The following ABAT variants were observed in gnomAD, a reference collection of about 807,000 sequenced individuals.
The protein encoded by ABAT is 4-aminobutyrate aminotransferase.
A neutral mutation model predicts 64.6 loss-of-function variants in ABAT; 45 were observed. The ratio of observed to expected loss-of-function variants is 0.70; its 90% CI spans 0.55 to 0.89. The LOEUF is 0.89. Ranked by LOEUF, ABAT falls within the 40% of genes least tolerant of loss-of-function variation. The pLI, the probability that ABAT is intolerant of heterozygous loss-of-function variation, is 0.00. For missense variants in ABAT, 633 were observed against 658.4 expected, an observed-to-expected ratio of 0.96 and a Z score of 0.42; for synonymous variants, 297 against 250.5, an observed-to-expected ratio of 1.19 and a Z score of -1.75.
intron 1 of ABAT, among the ~76,000 whole-genome samples, chr16:8,685,063 T>C (rs2057421884): frequency 6.6e-6 from 1 of 152,024 alleles, no homozygotes; most frequent in African/African-American, 2.4e-5. Flanking sequence ...GGTGGACAGA[T>C]TGCTTGAGCT....
At chr16:8,720,007 T>G (rs1040794936) in intron 1 of ABAT, among the ~76,000 whole-genome samples, 2 of 152,196 alleles carry the variant, frequency 1.3e-5, no homozygotes, top group Admixed American at 1.3e-4. Flanking sequence ...GAGTTGGGAC[T>G]TCACCATTTT....
rs551738450 is a variant in ABAT at position 8,699,898 on chromosome 16, C to T, written c.-42+25187C>T. 4.6e-4 allele frequency among the ~76,000 whole-genome samples: 70 copies of T among 152,236 alleles called. No individual in the cohort carries two copies. In the South Asian group the frequency reaches 0.014, roughly 31 times the overall value. ...GCACGATCACGGCTGACTGCAACCT[C>T]GACCTCTTGGGCTCAGGTGATTCTC... On this transcript the variant is annotated intron_variant, in intron 1 of 15. Coordinates refer to ENST00000268251, the MANE Select transcript of ABAT (RefSeq NM_020686.6).
intron 5 of ABAT, among the ~76,000 whole-genome samples, chr16:8,753,893 C>CG (rs2059564088): frequency 6.6e-6 from 1 of 152,030 alleles, no homozygotes; most frequent in Admixed American, 6.6e-5. Context: ...CAGAAAGTCT[C>CG]CCCTGGGTGA....
chr16:8,724,066 C>G (rs1465067072), intron 1 of ABAT, among the ~76,000 whole-genome samples: 5 of 151,760 alleles, frequency 3.3e-5, no homozygotes, highest in African/African-American at 1.2e-4. Flanking sequence ...GTCTTGAACT[C>G]CTGACCTCAG....
chr16:8,733,659 G>A (rs907233046), intron 1 of ABAT, among the ~76,000 whole-genome samples: 2 of 151,876 alleles, frequency 1.3e-5, no homozygotes, highest in African/African-American at 2.4e-5. Flanking sequence ...GCGAAACCCC[G>A]TCTCCACCAA....
intron 1 of ABAT, among the ~76,000 whole-genome samples, chr16:8,709,882 C>T (rs1456866597): frequency 6.6e-6 from 1 of 150,944 alleles, no homozygotes; most frequent in Non-Finnish European, 1.5e-5. Context: ...AGTACAGTGG[C>T]ACGGTAGCAC....
chr16:8,773,464 TA>T (rs201431334), intron 12 of ABAT, among the ~76,000 whole-genome samples: 1 of 145,804 alleles, frequency 6.9e-6, no homozygotes, highest in Non-Finnish European at 1.5e-5. Flanking sequence ...AAAATCTTTT[TA>T]AAAAACCTTT....
chr16:8,710,332 T>C (rs76492732), intron 1 of ABAT, among the ~76,000 whole-genome samples: 4,329 of 152,204 alleles, frequency 0.028, 102 homozygotes, highest in South Asian at 0.11. Flanking sequence ...TGAAGACAAA[T>C]GAATAACAGT....
chr16:8,677,938 A>G (rs79627409), intron 1 of ABAT, among the ~76,000 whole-genome samples: 3,636 of 152,150 alleles, frequency 0.024, 71 homozygotes, highest in South Asian at 0.081. Flanking sequence ...ATGCGCCTGT[A>G]GTCCTAGCAA....
At chr16:8,735,485 C>G (rs972322608) in intron 1 of ABAT, among the ~76,000 whole-genome samples, 1 of 152,140 alleles carries the variant, frequency 6.6e-6, no homozygotes, top group Non-Finnish European at 1.5e-5. Flanking sequence ...CTCCTGGCCT[C>G]AAGAAGTCCT....
At chr16:8,709,058 C>T (rs1380722945) in intron 1 of ABAT, among the ~76,000 whole-genome samples, 1 of 152,114 alleles carries the variant, frequency 6.6e-6, no homozygotes, top group African/African-American at 2.4e-5. Context: ...ATTTTGAAGA[C>T]TTGCTATGCC....
At chr16:8,743,423 T>TATATATATATATATATATA (rs1555489308) in intron 2 of ABAT, among the ~76,000 whole-genome samples, 2 of 45,272 alleles carry the variant, frequency 4.4e-5, no homozygotes, top group African/African-American at 1.2e-4. Context: ...ATGGAAACAG[T>TATATATATATATATATATA]TATATATATA....
At chr16:8,713,781 G>T (rs140998674) in intron 1 of ABAT, 2 of 444,064 alleles carry the variant, frequency 4.5e-6, no homozygotes. Flanking sequence ...AGCCAGCTGC[G>T]TTCCTGGCCT....
chr16:8,689,506 GAATTC>G lies in ABAT; in HGVS notation c.-42+14798_-42+14802del, dbSNP rs150683944. On this transcript the variant is annotated intron_variant, in intron 1 of 15. Coordinates refer to ENST00000268251, the MANE Select transcript of ABAT (RefSeq NM_020686.6). ...ACAGTGCCAGATGGTATCATGATGG[GAATTC>G]AAGTCTAATCATATGCACAACTTCT... 5.2e-3 allele frequency among the ~76,000 whole-genome samples: 798 copies of G among 152,254 alleles called. 3 individuals carry two copies. The highest frequency in any genetic ancestry group is 0.018 in the African/African-American group (761 of 41,540).
intron 12 of ABAT, among the ~76,000 whole-genome samples, chr16:8,773,623 C>G (rs534071932): frequency 6.6e-6 from 1 of 152,254 alleles, no homozygotes; most frequent in East Asian, 1.9e-4. Context: ...CTAAAATCAC[C>G]CTATTGTGCT....
intron 1 of ABAT, among the ~76,000 whole-genome samples, chr16:8,697,526 C>G (rs2057729620): frequency 6.6e-6 from 1 of 152,092 alleles, no homozygotes; most frequent in South Asian, 2.1e-4. Flanking sequence ...CAGGCATGAG[C>G]AATTGCAGTC....
intron 2 of ABAT, among the ~76,000 whole-genome samples, chr16:8,739,746 A>G (rs973217889): frequency 1.7e-5 from 2 of 114,298 alleles, no homozygotes; most frequent in African/African-American, 5.8e-5. Context: ...ATACAGGCAC[A>G]ATGCAAAAAA....
intron 9 of ABAT, among the ~76,000 whole-genome samples, chr16:8,767,482 G>A (rs1275331313): frequency 2.0e-5 from 3 of 152,196 alleles, no homozygotes; most frequent in African/African-American, 7.2e-5. Context: ...TAGGGAGCCA[G>A]GGGATGGGGA....
intron 6 of ABAT, among the ~76,000 whole-genome samples, chr16:8,759,178 C>T (rs1409522409): frequency 6.6e-6 from 1 of 152,094 alleles, no homozygotes; most frequent in African/African-American, 2.4e-5. Flanking sequence ...AAATGCACCA[C>T]TCAATGAATT....
Sources: allele counts gnomAD v4.1 joint callset (sites outside exome capture counted in the v4.1 genomes callset), GRCh38; gene constraint gnomAD v4.1.1; transcripts MANE v1.5; gene names NCBI Gene and HGNC (gene_info 2026-07-23, HGNC 2026-07-21).